ATRNL1: variants seen among roughly 807,000 people sequenced by gnomAD.
The protein encoded by ATRNL1 is attractin like 1.
In ATRNL1, 95 loss-of-function variants were observed where a neutral mutation model predicts 182.7. The ratio of observed to expected loss-of-function variants is 0.52; its 90% CI spans 0.44 to 0.62. The LOEUF (loss-of-function observed/expected upper bound fraction) is 0.62. Among genes scored for constraint, ATRNL1 ranks in the 20% least tolerant of loss-of-function variants. The pLI is 0.00. For synonymous variants in ATRNL1, 576 were observed against 568.3 expected, an observed-to-expected ratio of 1.01 and a Z score of -0.19; for missense variants, 1,471 against 1,679.5, an observed-to-expected ratio of 0.88 and a Z score of 2.17.
chr10:115,923,958 A>T (rs1235667144), intron 28 of ATRNL1, among the ~76,000 whole-genome samples: 5 of 152,274 alleles, frequency 3.3e-5, no homozygotes, highest in Middle Eastern at 6.8e-3. Flanking sequence ...GACTGGTGTG[A>T]GGTGGTATCT....
At chr10:115,406,471 C>G (rs1212878915) in intron 20 of ATRNL1, among the ~76,000 whole-genome samples, 1 of 152,030 alleles carries the variant, frequency 6.6e-6, no homozygotes, top group Non-Finnish European at 1.5e-5. Context: ...TTAAATTATA[C>G]CCATTCCAAG....
At chr10:115,104,549 T>C (rs1346175278) in intron 1 of ATRNL1, among the ~76,000 whole-genome samples, 1 of 152,158 alleles carries the variant, frequency 6.6e-6, no homozygotes, top group African/African-American at 2.4e-5. Flanking sequence ...TTTAACTCGA[T>C]ATGATCCCAT....
intron 13 of ATRNL1, among the ~76,000 whole-genome samples, chr10:115,268,734 T>C (rs1346474470): frequency 1.3e-5 from 2 of 152,216 alleles, no homozygotes; most frequent in Non-Finnish European, 2.9e-5. Flanking sequence ...GCTATAAATG[T>C]TGTCTTCTGT....
intron 26 of ATRNL1, among the ~76,000 whole-genome samples, chr10:115,654,900 C>T (rs80179983): frequency 0.02 from 3,018 of 152,270 alleles, 66 homozygotes; most frequent in East Asian, 0.12. Context: ...TAGCCAAGAC[C>T]TTAAGAGACT....
intron 26 of ATRNL1, among the ~76,000 whole-genome samples, chr10:115,607,536 G>T (rs533193332): frequency 3.3e-5 from 5 of 151,644 alleles, no homozygotes; most frequent in Non-Finnish European, 7.4e-5. Context: ...ATTCTATATG[G>T]TAGAGACTTT....
intron 24 of ATRNL1, among the ~76,000 whole-genome samples, chr10:115,498,429 T>G (rs1849657624): frequency 6.6e-6 from 1 of 152,066 alleles, no homozygotes; most frequent in African/African-American, 2.4e-5. Context: ...ATTTATCATG[T>G]TTTGATTATA....
intron 10 of ATRNL1, among the ~76,000 whole-genome samples, chr10:115,244,949 A>G (rs1850567742): frequency 6.6e-6 from 1 of 152,230 alleles, no homozygotes. Flanking sequence ...TAAGAACTAT[A>G]TCTTGCAGAA....
At chr10:115,409,994 T>C (rs1361816991) in intron 20 of ATRNL1, among the ~76,000 whole-genome samples, 14 of 152,306 alleles carry the variant, frequency 9.2e-5, no homozygotes, top group Admixed American at 9.1e-4. Context: ...ATATGGCTTT[T>C]TTCCTTCATT....
At chr10:115,306,966 T>C (rs1273740236) in intron 17 of ATRNL1, among the ~76,000 whole-genome samples, 1 of 152,114 alleles carries the variant, frequency 6.6e-6, no homozygotes, top group Non-Finnish European at 1.5e-5. Context: ...GATAACTAAA[T>C]ACCGCTGGTG....
At chr10:115,770,136 T>G (rs1386241661) in intron 27 of ATRNL1, among the ~76,000 whole-genome samples, 1 of 148,744 alleles carries the variant, frequency 6.7e-6, no homozygotes, top group African/African-American at 2.5e-5. Flanking sequence ...ACCTGAAGGG[T>G]TTTTTTTTTA....
chr10:115,615,530 G>C (rs886157042), intron 26 of ATRNL1, among the ~76,000 whole-genome samples: 5 of 151,988 alleles, frequency 3.3e-5, no homozygotes, highest in Non-Finnish European at 7.4e-5. Context: ...CTTGATGCTT[G>C]ATATGGTTTG....
At chr10:115,521,888 A>G (rs970191375) in intron 25 of ATRNL1, among the ~76,000 whole-genome samples, 1 of 152,220 alleles carries the variant, frequency 6.6e-6, no homozygotes, top group East Asian at 1.9e-4. Flanking sequence ...GCTAAACTTT[A>G]GGAGATTTTA....
At chr10:115,766,973 G>A (rs1025146368) in intron 27 of ATRNL1, among the ~76,000 whole-genome samples, 12 of 152,130 alleles carry the variant, frequency 7.9e-5, no homozygotes, top group African/African-American at 2.9e-4. Context: ...AATAACATTT[G>A]CTCTCTCTAC....
At chr10:115,607,177 A>C (rs1555017833) in intron 26 of ATRNL1, among the ~76,000 whole-genome samples, 3 of 151,978 alleles carry the variant, frequency 2.0e-5, no homozygotes, top group Non-Finnish European at 4.4e-5. Context: ...AATGTATATT[A>C]AAATTTAAAG....
intron 27 of ATRNL1, among the ~76,000 whole-genome samples, chr10:115,773,799 A>G (rs1394356587): frequency 2.0e-5 from 3 of 152,202 alleles, no homozygotes; most frequent in African/African-American, 7.2e-5. Flanking sequence ...TAAATGCTCA[A>G]CACAAATATT....
intron 8 of ATRNL1, among the ~76,000 whole-genome samples, chr10:115,198,257 T>C (rs1848434466): frequency 1.3e-5 from 2 of 152,190 alleles, no homozygotes; most frequent in South Asian, 4.1e-4. Context: ...ATTTTTCTGA[T>C]GGTGAGTAAT....
rs1237652360 is a variant in ATRNL1, at chr10:115,854,501, C to CTCCACTCACT, written c.4018+6512_4018+6521dup. Among the ~76,000 whole-genome samples, 21 of 152,326 alleles carry CTCCACTCACT rather than the reference C, an allele frequency of 1.4e-4. No individual in the cohort carries two copies. In the East Asian group the frequency reaches 1.5e-3, roughly 11 times the overall value. ...GATCCTTAGCCAGCTTCTTTTACCT[C>CTCCACTCACT]TCCACTCACTTAGGGAAAACTTCTC... On this transcript the variant is annotated intron_variant, in intron 28 of 28. Transcript: ENST00000355044.
chr10:115,548,116 G>T (rs1370468766), intron 25 of ATRNL1, among the ~76,000 whole-genome samples: 1 of 152,078 alleles, frequency 6.6e-6, no homozygotes, highest in African/African-American at 2.4e-5. Flanking sequence ...AGTCCGTGTG[G>T]GACTATAAGC....
intron 28 of ATRNL1, among the ~76,000 whole-genome samples, chr10:115,890,463 AG>A (rs782775373): frequency 1.5e-4 from 23 of 152,212 alleles, no homozygotes; most frequent in Non-Finnish European, 3.2e-4. Flanking sequence ...GCTGTATAAA[AG>A]GGCCTTTATG....
Sources: gnomAD v4.1 joint callset for allele counts (sites outside exome capture counted in the v4.1 genomes callset) on GRCh38, gnomAD v4.1.1 for gene constraint, MANE v1.5 for transcripts, NCBI Gene and HGNC (gene_info 2026-07-23, HGNC 2026-07-21) for gene names.